Variants in BAZ1A observed in about 807,000 individuals in gnomAD.
BAZ1A encodes bromodomain adjacent to zinc finger domain 1A, also known as bromodomain adjacent to zinc finger domain protein 1A.
BAZ1A carries 50 observed loss-of-function variants against 185.2 expected under a neutral mutation model. The ratio of observed to expected loss-of-function variants is 0.27; its 90% CI spans 0.22 to 0.34. The LOEUF (loss-of-function observed/expected upper bound fraction) is 0.34. BAZ1A is among the 10% of genes least tolerant of loss of function. BAZ1A has a pLI of 1.00. For missense variants in BAZ1A, 1,356 were observed against 1,839.9 expected, an observed-to-expected ratio of 0.74 and a Z score of 4.81; for synonymous variants, 571 against 615.6, an observed-to-expected ratio of 0.93 and a Z score of 1.07.
At chr14:34,762,374 G>A (rs10150856) in intron 23 of BAZ1A, 151 bp from the exon 24 acceptor site, 224,555 of 662,132 alleles carry the variant, frequency 0.34, 40,468 homozygotes, top group Non-Finnish European at 0.37. Context: ...TAAAGAGTCA[G>A]TAAGTTTTAA....
chr14:34,816,013 A>G (rs2042000252), intron 4 of BAZ1A, among the ~76,000 whole-genome samples: 1 of 151,900 alleles, frequency 6.6e-6, no homozygotes, highest in African/African-American at 2.4e-5. Flanking sequence ...GTCAAGTTAT[A>G]ATGACGGCTA....
chr14:34,759,495 G>A (rs920653939), intron 24 of BAZ1A, among the ~76,000 whole-genome samples: 9 of 151,892 alleles, frequency 5.9e-5, no homozygotes, highest in South Asian at 2.1e-4. Context: ...CACCACGCCC[G>A]GCCTTTTCAG....
At position 34,783,815 on chromosome 14, in the gene BAZ1A, G is replaced by C; in HGVS notation, c.1944C>G (p.Phe648Leu). Residue 648 changes from phenylalanine (F) to leucine (L), a missense_variant, in exon 15 of 27, where the codon TTC becomes TTG. Around this residue, in one of 7 missense-constraint regions of BAZ1A, gnomAD observed 434 missense variants for 561.7 expected, o/e 0.77. Transcript: ENST00000360310. ...GATGTTGTTCTGCTTTTAATTCCCG[G>C]AACTCCTGCTTTGCCTGTCGTAATA... ...VDILRQAKQE[F>L]RELKAEQHRK... is the part of the protein sequence containing the mutation. The C allele has an allele frequency of 1.2e-6, 2 of 1,612,932 alleles. No individual in the cohort carries two copies. Among genetic ancestry groups the C allele is most frequent in the Non-Finnish European group, 1.7e-6 (2 of 1,179,606 alleles).
chr14:34,798,452 G>A (rs1306651594), intron 9 of BAZ1A, among the ~76,000 whole-genome samples: 3 of 152,206 alleles, frequency 2.0e-5, no homozygotes, highest in Non-Finnish European at 2.9e-5. Context: ...ATATGGGTAG[G>A]TGCCCCTCTG....
chr14:34,845,546 T>C (rs761266433), intron 3 of BAZ1A, among the ~76,000 whole-genome samples: 1 of 152,166 alleles, frequency 6.6e-6, no homozygotes, highest in Admixed American at 6.5e-5. Flanking sequence ...AGTTTATCTA[T>C]GAGAAAAGTT....
intron 4 of BAZ1A, among the ~76,000 whole-genome samples, chr14:34,824,244 C>T (rs531110637): frequency 2.1e-5 from 3 of 141,878 alleles, no homozygotes; most frequent in Admixed American, 7.4e-5. Flanking sequence ...CATGGTAGCA[C>T]GCACCTGTAG....
intron 4 of BAZ1A, among the ~76,000 whole-genome samples, chr14:34,813,532 AAGTT>A (rs2041960081): frequency 6.6e-6 from 1 of 151,904 alleles, no homozygotes; most frequent in Admixed American, 6.6e-5. Context: ...AAAATACAAA[AAGTT>A]AGCCAGGTGT....
intron 3 of BAZ1A, among the ~76,000 whole-genome samples, chr14:34,854,114 G>A (rs1235035707): frequency 6.6e-6 from 1 of 152,162 alleles, no homozygotes; most frequent in East Asian, 1.9e-4. Context: ...GATATATGAT[G>A]CGGAACTCAG....
chr14:34,756,640 A>C (rs59092668), intron 25 of BAZ1A, among the ~76,000 whole-genome samples: 45,041 of 151,000 alleles, frequency 0.3, 7,313 homozygotes, highest in Non-Finnish European at 0.38. Flanking sequence ...TAATTTTTGC[A>C]TTTTTAGTAG....
chr14:34,817,548 G>C (rs912945365), intron 4 of BAZ1A, among the ~76,000 whole-genome samples: 2 of 152,184 alleles, frequency 1.3e-5, no homozygotes, highest in African/African-American at 4.8e-5. Flanking sequence ...AGATTGCGCT[G>C]TTGCGCAACA....
At chr14:34,828,219 G>A (rs2042190160) in intron 3 of BAZ1A, among the ~76,000 whole-genome samples, 1 of 150,428 alleles carries the variant, frequency 6.6e-6, no homozygotes, top group Non-Finnish European at 1.5e-5. Flanking sequence ...CTTGAACCCA[G>A]GAGGCGGAGG....
intron 19 of BAZ1A, among the ~76,000 whole-genome samples, 190 bp downstream of exon 19, chr14:34,774,137 A>G (rs937515649): frequency 6.6e-6 from 1 of 152,252 alleles, no homozygotes; most frequent in African/African-American, 2.4e-5. Flanking sequence ...ACGCATTTCA[A>G]CATCTGATGA....
At chr14:34,800,965 T>C (rs1405262538) in intron 8 of BAZ1A, 129 bp downstream of exon 8, 5 of 620,132 alleles carry the variant, frequency 8.1e-6, no homozygotes, top group Non-Finnish European at 1.4e-5. Flanking sequence ...AGTTATCTGA[T>C]AGAAAAAATA....
chr14:34,874,261 C>A lies in BAZ1A; in HGVS notation c.113+231G>T. ...CGGTCCCCGAGGCCGGCCAGGGACC[C>A]AGCCTCCTCCGCCACTACCAACCCG... On this transcript the variant is annotated intron_variant, in intron 2 of 26. Coordinates refer to ENST00000360310, the MANE Select transcript of BAZ1A (RefSeq NM_013448.3). The surrounding 1 kb of genome is among the most constrained non-coding windows in gnomAD (Gnocchi z 4.7). The A allele has an allele frequency of 2.0e-6, 1 of 503,684 alleles. No individual in the cohort carries two copies. Among genetic ancestry groups the A allele is most frequent in the Admixed American group, 3.8e-5 (1 of 26,140 alleles). 31.2% of individuals were successfully genotyped at this position (503,684 alleles called of 1,614,324 possible).
chr14:34,774,308 A>C lies in BAZ1A; in HGVS notation c.2997+19T>G. 1 of 1,591,216 alleles carries C rather than the reference A, an allele frequency of 6.3e-7. No homozygotes were observed. The highest frequency in any genetic ancestry group is 8.5e-7 in the Non-Finnish European group (1 of 1,171,640). ...GACCAAGTAGATTAGACAAACTAAA[A>C]ATGGGAACAAGTACAAACCTTGATG... On this transcript the variant is annotated intron_variant, in intron 19 of 26. Coordinates refer to ENST00000360310, the MANE Select transcript of BAZ1A (RefSeq NM_013448.3).
intron 10 of BAZ1A, 138 bp from the exon 11 acceptor site, chr14:34,795,025 C>G (rs1881106430): frequency 8.5e-7 from 1 of 1,179,828 alleles, no homozygotes; most frequent in Non-Finnish European, 1.2e-6. Flanking sequence ...CTGTTTATCA[C>G]AATCACCTTT....
At chr14:34,784,041 T>A in intron 14 of BAZ1A, 114 bp from the exon 15 acceptor site, 1 of 932,066 alleles carries the variant, frequency 1.1e-6, no homozygotes, top group Non-Finnish European at 1.5e-6. Context: ...TATGGAGTAG[T>A]CTCTCAAACA....
intron 9 of BAZ1A, among the ~76,000 whole-genome samples, chr14:34,799,037 T>C (rs549691661): frequency 1.3e-5 from 2 of 152,160 alleles, no homozygotes; most frequent in African/African-American, 4.8e-5. Context: ...ATATACACCA[T>C]GGAATACTAT....
intron 11 of BAZ1A, 137 bp downstream of exon 11, chr14:34,794,612 C>G (rs1231958590): frequency 1.3e-6 from 1 of 783,600 alleles, no homozygotes; most frequent in Admixed American, 3.1e-5. Flanking sequence ...TGAGAAGAAG[C>G]CATTTTGAAC....
Sources: gnomAD v4.1 joint callset for allele counts (sites outside exome capture counted in the v4.1 genomes callset) on GRCh38, gnomAD v4.1.1 for gene constraint, gnomAD v4.1.1 regional missense constraint, Gnocchi (gnomAD v3.1) non-coding constraint, MANE v1.5 for transcripts, NCBI Gene and HGNC (gene_info 2026-07-23, HGNC 2026-07-21) for gene names.